Variants in F9 observed in about 807,000 individuals in gnomAD.
F9 encodes the protein coagulation factor IX.
F9 carries 2 observed loss-of-function variants against 34.1 expected under a neutral mutation model. The ratio of observed to expected loss-of-function variants is 0.06; its 90% CI spans 0.02 to 0.18. The LOEUF is 0.18. Among genes scored for constraint, F9 ranks in the 10% least tolerant of loss-of-function variants. The probability of loss-of-function intolerance (pLI) is 1.00; values close to 1 mark genes in which losing one functional copy is unlikely to be tolerated. For missense variants in F9, 216 were observed against 345.1 expected (o/e 0.63, Z 2.96); for synonymous variants, 137 against 118.8 (o/e 1.15, Z -1.00).
In F9 at chrX:139,536,880, C is replaced by T. The variant is rs1462914886; in HGVS notation, c.89-130C>T. 11 of 622,150 alleles carry T rather than the reference C, an allele frequency of 1.8e-5. No homozygotes were observed. In the East Asian group the frequency reaches 3.5e-4, roughly 20 times the overall value. The allele number at this position is 622,150 out of a possible 1,213,427, so 51.3% of individuals were successfully genotyped here. On this transcript the variant is annotated intron_variant, in intron 1 of 7. Coordinates refer to ENST00000218099, the MANE Select transcript of F9 (RefSeq NM_000133.4). ...ACTGTGGGAACATCACAGATTTTGG[C>T]TCCATGCCCTAAAGAGAAATTGGCT... is the stretch of plus-strand genomic sequence containing the variant.
At chrX:139,535,065 G>A (rs915723400) in intron 1 of F9, among the ~76,000 whole-genome samples, 3 of 111,562 alleles carry the variant, frequency 2.7e-5, no homozygotes, top group Non-Finnish European at 5.7e-5. Flanking sequence ...AAGAGTTGAA[G>A]AGAGGCCTGG....
chrX:139,549,285 A>G (rs1276093730), intron 5 of F9, among the ~76,000 whole-genome samples: 1 of 111,606 alleles, frequency 9.0e-6, no homozygotes, highest in Non-Finnish European at 1.9e-5. Context: ...GGTACATTAA[A>G]TTGTGCACCA....
rs187739465 is a variant in F9, at chrX:139,554,982, T to C, written c.723+3718T>C. ...TAGTCTGTTAAAGAAAAGGTGTAGG[T>C]GAGCTGTTTGCAAGAGCCACAAGGG... On this transcript the variant is annotated intron_variant, in intron 6 of 7. Transcript: ENST00000218099. 2.1e-4 allele frequency among the ~76,000 whole-genome samples: 23 copies of C among 111,612 alleles called. No individual in the cohort carries two copies. The East Asian group carries it at 6.3e-3, about 30-fold the overall frequency.
At chrX:139,560,284 A>C (rs753781907) in intron 6 of F9, among the ~76,000 whole-genome samples, 6 of 111,683 alleles carry the variant, frequency 5.4e-5, no homozygotes, top group Non-Finnish European at 7.5e-5. Flanking sequence ...AAAAATCAGT[A>C]GTTTTTCTCT....
At chrX:139,554,693 C>A (rs1927926855) in intron 6 of F9, among the ~76,000 whole-genome samples, 1 of 112,437 alleles carries the variant, frequency 8.9e-6, no homozygotes, top group Admixed American at 9.4e-5. Flanking sequence ...AGAAAGCAAG[C>A]AACAGCTGGG....
intron 6 of F9, among the ~76,000 whole-genome samples, chrX:139,558,159 A>G (rs1273873712): frequency 2.6e-5 from 3 of 113,520 alleles, no homozygotes; most frequent in Admixed American, 9.2e-5. Flanking sequence ...CACGTGCCCT[A>G]TGCTATCTTG....
At chrX:139,542,128 G>A (rs777833912) in intron 4 of F9, among the ~76,000 whole-genome samples, 200 of 111,708 alleles carry the variant, frequency 1.8e-3, no homozygotes, top group African/African-American at 6.0e-3. Flanking sequence ...CCTGACAGAT[G>A]AAAAAGGCAT....
At chrX:139,539,485 C>T (rs1927555864) in intron 3 of F9, among the ~76,000 whole-genome samples, 1 of 112,430 alleles carries the variant, frequency 8.9e-6, no homozygotes, top group East Asian at 2.8e-4. Flanking sequence ...TTGACCCCAA[C>T]TGTCTATGGC....
In F9 at chrX:139,562,176, C is replaced by A. The variant is rs1928138442; in HGVS notation, c.*105C>A. 1 of 711,188 alleles carries A rather than the reference C, an allele frequency of 1.4e-6. No homozygotes were observed. Among genetic ancestry groups the A allele is most frequent in the Non-Finnish European group, 2.1e-6 (1 of 470,003 alleles). 58.6% of individuals were successfully genotyped at this position (711,188 alleles called of 1,213,427 possible). On this transcript the variant is annotated 3_prime_UTR_variant, in exon 8 of 8. Coordinates refer to ENST00000218099, the MANE Select transcript of F9 (RefSeq NM_000133.4). ...TTTGTTAGATTTGAATATATACATT[C>A]TATGATCATTGCTTTTTCTCTTTAC... is the stretch of plus-strand genomic sequence containing the variant.
At chrX:139,538,586 C>T (rs1020423649) in intron 3 of F9, among the ~76,000 whole-genome samples, 43 of 111,606 alleles carry the variant, frequency 3.9e-4, no homozygotes, top group Non-Finnish European at 5.8e-4. Flanking sequence ...AGAGTTGACT[C>T]TGTTATATTG....
chrX:139,543,901 A>C (rs1328445293), intron 4 of F9, among the ~76,000 whole-genome samples: 1 of 111,665 alleles, frequency 9.0e-6, no homozygotes, highest in Non-Finnish European at 1.9e-5. Flanking sequence ...GCCCTGCTCT[A>C]TGGAACTCTC....
At chrX:139,539,456 A>G (rs3134806) in intron 3 of F9, among the ~76,000 whole-genome samples, 9,440 of 111,917 alleles carry the variant, frequency 0.084, 1,002 homozygotes, top group African/African-American at 0.29. Flanking sequence ...ACTTGGTAAG[A>G]TCTTGTCTCT....
chrX:139,534,348 T>C (rs1413577418), intron 1 of F9, among the ~76,000 whole-genome samples: 1 of 112,147 alleles, frequency 8.9e-6, no homozygotes, highest in Non-Finnish European at 1.9e-5. Flanking sequence ...AGAGCTTGTG[T>C]GACTTGTCCA....
intron 1 of F9, 45 bp downstream of exon 1, chrX:139,530,897 G>T (rs1440709550): frequency 2.0e-6 from 2 of 1,015,314 alleles, no homozygotes; most frequent in Admixed American, 4.4e-5. Flanking sequence ...TTGCCTTTTA[G>T]ATATAGAAAT....
At chrX:139,540,599 G>A (rs3134808) in intron 3 of F9, among the ~76,000 whole-genome samples, 9,967 of 111,333 alleles carry the variant, frequency 0.09, 1,164 homozygotes, top group African/African-American at 0.31. Context: ...TGCCTAGGCC[G>A]TCAGTTCCTA....
intron 6 of F9, among the ~76,000 whole-genome samples, chrX:139,555,087 G>A (rs779928557): frequency 3.6e-5 from 4 of 112,404 alleles, no homozygotes; most frequent in Non-Finnish European, 7.5e-5. Flanking sequence ...CATTAAGAAA[G>A]CCCTTTCCAA....
In F9 at chrX:139,546,285, A is replaced by G. The variant is rs769950615; in HGVS notation, c.392-2078A>G. 4.6e-3 allele frequency among the ~76,000 whole-genome samples: 512 copies of G among 112,071 alleles called. 2 individuals are homozygous for G. Among genetic ancestry groups the G allele is most frequent in the African/African-American group, 0.016 (490 of 30,957 alleles). ...CTTTTCTATGGCTGCATAATATTCC[A>G]TGGTATATATGAACCACATTTTCTT... On this transcript the variant is annotated intron_variant, in intron 4 of 7. Coordinates refer to ENST00000218099, the MANE Select transcript of F9 (RefSeq NM_000133.4).
intron 6 of F9, among the ~76,000 whole-genome samples, chrX:139,552,683 G>A (rs778877515): frequency 7.1e-5 from 8 of 112,436 alleles, no homozygotes; most frequent in South Asian, 3.7e-4. Context: ...GAGTGCAAGC[G>A]GAGATAGAAC....
At chrX:139,548,330 T>A in intron 4 of F9, 33 bp from the exon 5 acceptor site, 1 of 1,202,365 alleles carries the variant, frequency 8.3e-7, no homozygotes, top group Non-Finnish European at 1.1e-6. Flanking sequence ...GCATGTTAAA[T>A]GATGCTGTTA....
Sources: gnomAD v4.1 joint callset for allele counts (sites outside exome capture counted in the v4.1 genomes callset) on GRCh38, gnomAD v4.1.1 for gene constraint, MANE v1.5 for transcripts, NCBI Gene and HGNC (gene_info 2026-07-23, HGNC 2026-07-21) for gene names.